SUMF1: variants seen among roughly 807,000 people sequenced by gnomAD.
The protein encoded by SUMF1 is formylglycine-generating enzyme.
SUMF1 carries 48 observed loss-of-function variants against 47.6 expected under a neutral mutation model. That is an observed-to-expected ratio of 1.01 (90% CI 0.80 to 1.28). The LOEUF is 1.28. Ranked by LOEUF, SUMF1 falls within the 50% of genes most tolerant of loss-of-function variation. The pLI is 0.00. For synonymous variants in SUMF1, 230 were observed against 192.1 expected, an observed-to-expected ratio of 1.20 and a Z score of -1.63; for missense variants, 571 against 485.4, an observed-to-expected ratio of 1.18 and a Z score of -1.66.
chr3:4,134,792 C>T (rs1044759242), intron 8 of SUMF1, among the ~76,000 whole-genome samples: 4 of 152,066 alleles, frequency 2.6e-5, no homozygotes, highest in Admixed American at 6.6e-5. Flanking sequence ...AAGGGGGTAT[C>T]ACCACCGATC....
chr3:4,258,275 A>T (rs2125019770), intron 8 of SUMF1, among the ~76,000 whole-genome samples: 1 of 148,222 alleles, frequency 6.7e-6, no homozygotes, highest in African/African-American at 2.6e-5. Context: ...ATCTAATTAA[A>T]CTAAAGAGCT....
chr3:4,420,834 C>T (rs1455015705), intron 3 of SUMF1, among the ~76,000 whole-genome samples: 2 of 152,136 alleles, frequency 1.3e-5, no homozygotes, highest in African/African-American at 2.4e-5. Context: ...AAAGGTCAAC[C>T]ATGGTGGTCA....
At position 4,173,588 on chromosome 3, in the gene SUMF1, A is replaced by C. The variant is rs147766839; in HGVS notation, c.1015-104843T>G. Among the ~76,000 whole-genome samples the C allele has an allele frequency of 1.5e-3, 222 of 152,328 alleles. 4 individuals are homozygous for C. In the South Asian group the frequency reaches 0.019, roughly 13 times the overall value. The stretch of plus-strand genomic sequence containing the variant: ...TAAAGACATATGCATACGTATGTTT[A>C]TTGAAGCACTATTCACAATAGTAAA... On this transcript the variant is annotated intron_variant and NMD_transcript_variant, in intron 8 of 12. Coordinates refer to the SUMF1 transcript ENST00000448413.
chr3:4,356,252 A>C (rs892806412), downstream of SUMF1, among the ~76,000 whole-genome samples: 1 of 152,222 alleles, frequency 6.6e-6, no homozygotes, highest in Non-Finnish European at 1.5e-5. Flanking sequence ...GTATCCAGAG[A>C]ATTAAGTTTT....
At chr3:4,392,635 A>ATATG (rs1168206399) in intron 7 of SUMF1, among the ~76,000 whole-genome samples, 2 of 146,812 alleles carry the variant, frequency 1.4e-5, no homozygotes, top group South Asian at 2.1e-4. Flanking sequence ...ATATATATAT[A>ATATG]TATATCTACC....
chr3:4,385,816 G>C (rs1700653495), intron 7 of SUMF1, among the ~76,000 whole-genome samples: 1 of 152,144 alleles, frequency 6.6e-6, no homozygotes, highest in African/African-American at 2.4e-5. Context: ...TAAGGTGTGA[G>C]ACTAAGGTAG....
In SUMF1 at chr3:4,466,866, G is replaced by A. The variant is rs562471844; in HGVS notation, c.270+110C>T. 6.8e-6 allele frequency: 10 copies of A among 1,467,732 alleles called. No individual in the cohort carries two copies. In the Admixed American group the frequency reaches 2.0e-4, roughly 29 times the overall value. The allele number at this position is 1,467,732 out of a possible 1,614,324, so 90.9% of individuals were successfully genotyped here. On this transcript the variant is annotated intron_variant, in intron 1 of 8. Transcript: ENST00000272902. ...GGGAACAGCAGGTGCTCGATTTGGGGTGTGGTTATAACCTTTACTTCCCTT... is the reference window on the plus strand; with the variant it reads ...GGGAACAGCAGGTGCTCGATTTGGGATGTGGTTATAACCTTTACTTCCCTT...
intron 8 of SUMF1, among the ~76,000 whole-genome samples, chr3:4,263,910 T>G (rs778692736): frequency 3.3e-5 from 5 of 152,182 alleles, no homozygotes; most frequent in Non-Finnish European, 7.4e-5. Flanking sequence ...ATTGTTTCAT[T>G]GAGTGACAGA....
At chr3:4,136,590 G>A (rs1220552444) in intron 8 of SUMF1, among the ~76,000 whole-genome samples, 1 of 151,930 alleles carries the variant, frequency 6.6e-6, no homozygotes, top group Admixed American at 6.6e-5. Context: ...AACATCAAAA[G>A]CAATGGCAAC....
In SUMF1 at chr3:4,284,412, CA is replaced by C. The variant is rs565994120; in HGVS notation, c.1014+91917del. ...TGGATGACAAAATGAGACTCTGTCC[CA>C]AAAAAAAAATAAGTAAATAAAAAAT... On this transcript the variant is annotated intron_variant and NMD_transcript_variant, in intron 8 of 12. Coordinates refer to the SUMF1 transcript ENST00000448413. 8.0e-3 allele frequency among the ~76,000 whole-genome samples: 912 copies of C among 114,030 alleles called. 14 individuals carry two copies. Among genetic ancestry groups the C allele is most frequent in the African/African-American group, 0.028 (855 of 30,130 alleles). The allele number at this position is 114,030 out of a possible 152,430, so 74.8% of individuals were successfully genotyped here.
At chr3:4,081,011 A>C (rs1025668441) in intron 8 of SUMF1, among the ~76,000 whole-genome samples, 1 of 152,164 alleles carries the variant, frequency 6.6e-6, no homozygotes, top group Non-Finnish European at 1.5e-5. Context: ...ATCTGGTAAG[A>C]ATTGTTTAAA....
intron 8 of SUMF1, among the ~76,000 whole-genome samples, chr3:4,330,617 C>T (rs1270406231): frequency 2.0e-5 from 3 of 152,208 alleles, no homozygotes; most frequent in African/African-American, 7.2e-5. Flanking sequence ...TATTACAATT[C>T]AAGGTGAGAT....
At chr3:4,078,029 C>T (rs1692477557) in intron 8 of SUMF1, among the ~76,000 whole-genome samples, 1 of 152,058 alleles carries the variant, frequency 6.6e-6, no homozygotes, top group South Asian at 2.1e-4. Context: ...TCACTTTGCA[C>T]TGGGACTCAC....
chr3:4,197,799 C>T (rs1281378196), intron 8 of SUMF1, among the ~76,000 whole-genome samples: 1 of 152,068 alleles, frequency 6.6e-6, no homozygotes, highest in Non-Finnish European at 1.5e-5. Flanking sequence ...CCAAGCAAAA[C>T]GCGCCTTGTG....
chr3:4,062,702 T>G lies in SUMF1; in HGVS notation c.1191+5867A>C, dbSNP rs552612808. Among the ~76,000 whole-genome samples the G allele has an allele frequency of 3.9e-5, 6 of 152,314 alleles. No homozygotes were observed. The East Asian group carries it at 9.6e-4, about 24-fold the overall frequency. ...GGTAATTTGAACCATATTAGCCATG[T>G]AGGTCATGAAAAATGATTGCATTTG... On this transcript the variant is annotated intron_variant and NMD_transcript_variant, in intron 9 of 12. Coordinates refer to the SUMF1 transcript ENST00000448413.
intron 8 of SUMF1, among the ~76,000 whole-genome samples, chr3:4,278,961 T>C (rs1167299126): frequency 2.0e-5 from 3 of 152,200 alleles, no homozygotes; most frequent in Non-Finnish European, 4.4e-5. Context: ...TCTGTGTTTA[T>C]CATCTAGGCT....
chr3:4,164,997 A>G (rs1694665449), intron 8 of SUMF1, among the ~76,000 whole-genome samples: 1 of 152,074 alleles, frequency 6.6e-6, no homozygotes, highest in South Asian at 2.1e-4. Context: ...CTTCTAGAAC[A>G]CAGGTCAGCA....
At chr3:4,400,332 A>C (rs557384647) in intron 7 of SUMF1, among the ~76,000 whole-genome samples, 2 of 152,122 alleles carry the variant, frequency 1.3e-5, no homozygotes, top group Non-Finnish European at 2.9e-5. Context: ...AATCCAAAAA[A>C]CCCGGGCTTT....
chr3:4,248,169 A>T (rs947375986), intron 8 of SUMF1, among the ~76,000 whole-genome samples: 4 of 152,190 alleles, frequency 2.6e-5, no homozygotes, highest in African/African-American at 7.2e-5. Flanking sequence ...TGCTCTAGCC[A>T]TTGAGGCTGA....
Sources: gnomAD v4.1 joint callset for allele counts (sites outside exome capture counted in the v4.1 genomes callset) on GRCh38, gnomAD v4.1.1 for gene constraint, MANE v1.5 for transcripts, NCBI Gene and HGNC (gene_info 2026-07-23, HGNC 2026-07-21) for gene names.